The following MYO1F variants were observed in gnomAD, a reference collection of about 807,000 sequenced individuals.
MYO1F encodes myosin IF.
MYO1F carries 60 observed loss-of-function variants against 146.6 expected under a neutral mutation model. That is an observed-to-expected ratio of 0.41 (90% confidence interval 0.33 to 0.51). MYO1F has a LOEUF of 0.51. Among genes scored for constraint, MYO1F ranks in the 20% least tolerant of loss-of-function variants. The pLI, the probability that MYO1F is intolerant of heterozygous loss-of-function variation, is 0.25. For synonymous variants in MYO1F, 602 were observed against 602.1 expected (o/e 1.00, Z 0.00); for missense variants, 1,274 against 1,534.3 (o/e 0.83, Z 2.83).
Position 8,527,291 on chromosome 19 carries a change from G to C in MYO1F, c.2474+47C>G, listed in dbSNP as rs753853276. On this transcript the variant is annotated intron_variant, in intron 22 of 27. Transcript: ENST00000644032. ...GGGGTCACTAGAATGAGGGCAGCCA[G>C]GGGACAGGTGAGAGTGACTGTGCGG... 18 of 1,612,884 alleles carry C rather than the reference G, an allele frequency of 1.1e-5. 1 individual carries two copies. The South Asian group carries it at 1.6e-4, about 15-fold the overall frequency.
chr19:8,570,306 G>A (rs1347627083), intron 1 of MYO1F, among the ~76,000 whole-genome samples: 2 of 151,978 alleles, frequency 1.3e-5, no homozygotes, highest in African/African-American at 4.8e-5. Flanking sequence ...CTGACCTCAG[G>A]CAATCCACTC....
chr19:8,533,019 G>A (rs918359547), intron 19 of MYO1F, among the ~76,000 whole-genome samples: 2 of 151,218 alleles, frequency 1.3e-5, no homozygotes, highest in South Asian at 4.1e-4. Context: ...GTAGCACATT[G>A]CTGCTAAGAG....
Position 8,554,681 on chromosome 19 carries a change from G to A in MYO1F, c.204C>T (p.Asp68=). ...CGCCCTGATAGAGGTCGATCTCACG[G>A]TCGGTGAAGTAGGGCATCTGCTTGA... ...NPFKQMPYFT[D]REIDLYQGAA... is the part of the protein sequence containing the mutation. The change falls in exon 3 of 28, where the codon GAC becomes GAT. Residue 68 remains aspartate (D), a synonymous_variant. Transcript: ENST00000644032. The A allele has an allele frequency of 6.2e-7, 1 of 1,614,012 alleles. No homozygotes were observed. The highest frequency in any genetic ancestry group is 8.5e-7 in the Non-Finnish European group (1 of 1,180,000).
chr19:8,574,280 C>T (rs1308324017), intron 1 of MYO1F, among the ~76,000 whole-genome samples: 4 of 152,180 alleles, frequency 2.6e-5, no homozygotes, highest in African/African-American at 4.8e-5. Context: ...AATGACCACT[C>T]GCAGCAACTC....
Position 8,534,330 on chromosome 19 carries a change from CAG to C in MYO1F, c.2043+1920_2043+1921del, listed in dbSNP as rs141193771. Reference sequence around the variant, plus strand: ...TTCTTTTCTTTTCTTTTCTTTTTTTCAGAGTCTCACTTTGTCCCCCAGGCTGG... The same window carrying C: ...TTCTTTTCTTTTCTTTTCTTTTTTTCAGTCTCACTTTGTCCCCCAGGCTGG... On this transcript the variant is annotated intron_variant, in intron 19 of 27. Transcript: ENST00000644032. Among the ~76,000 whole-genome samples, 583 of 151,616 alleles carry C rather than the reference CAG, an allele frequency of 3.8e-3. 2 individuals are homozygous for C. The highest frequency in any genetic ancestry group is 7.9e-3 in the South Asian group (38 of 4,806).
intron 21 of MYO1F, chr19:8,529,703 G>T: frequency 7.1e-6 from 2 of 282,532 alleles, no homozygotes; most frequent in Non-Finnish European, 1.4e-5. Context: ...ATGTGTGATT[G>T]TTGAGAGATG....
intron 16 of MYO1F, 105 bp downstream of exon 16, chr19:8,539,842 G>T (rs1972882124): frequency 2.0e-6 from 2 of 1,011,146 alleles, no homozygotes; most frequent in African/African-American, 1.6e-5. Context: ...CCCAGGATTG[G>T]TAGACAGACA....
At chr19:8,543,675 C>CTGGTGGTGGTGCTGGTGG (rs1973088734) in intron 14 of MYO1F, among the ~76,000 whole-genome samples, 1 of 36,180 alleles carries the variant, frequency 2.8e-5, no homozygotes, top group African/African-American at 1.3e-4. Flanking sequence ...GGTGGTGGTG[C>CTGGTGGTGGTGCTGGTGG]TGGTGGTGGT....
intron 1 of MYO1F, among the ~76,000 whole-genome samples, chr19:8,575,483 A>G (rs2042223910): frequency 2.0e-5 from 3 of 150,964 alleles, no homozygotes; most frequent in Non-Finnish European, 3.0e-5. Flanking sequence ...AGAATCTGAG[A>G]GGAGGTGGAG....
intron 1 of MYO1F, among the ~76,000 whole-genome samples, chr19:8,564,548 C>T (rs76040706): frequency 0.011 from 1,702 of 152,044 alleles, 28 homozygotes; most frequent in African/African-American, 0.036. Context: ...AGGCAAAACC[C>T]GGACCAGGCA....
chr19:8,543,909 G>C (rs1446131736), intron 14 of MYO1F, among the ~76,000 whole-genome samples: 16 of 108,126 alleles, frequency 1.5e-4, no homozygotes, highest in East Asian at 2.8e-4. Context: ...GGTGGTGGTG[G>C]TGGTGGTGGT....
rs531385418 is a variant in MYO1F at position 8,526,094 on chromosome 19, C to T, written c.2770+359G>A. Among the ~76,000 whole-genome samples, 4 of 152,120 alleles carry T rather than the reference C, an allele frequency of 2.6e-5. No homozygotes were observed. The East Asian group carries it at 7.7e-4, about 29-fold the overall frequency. ...CTGTAATCCCAGCACTTTGGGAGGC[C>T]GAGGCGGGTGGAGCATGAGGTAATG... On this transcript the variant is annotated intron_variant, in intron 24 of 27. Transcript: ENST00000644032.
At chr19:8,565,455 T>C (rs1246395941) in intron 1 of MYO1F, among the ~76,000 whole-genome samples, 1 of 151,880 alleles carries the variant, frequency 6.6e-6, no homozygotes, top group Non-Finnish European at 1.5e-5. Flanking sequence ...GGCAGGAGAA[T>C]AGCTTGAACC....
chr19:8,523,657 A>T, intron 25 of MYO1F, among the ~76,000 whole-genome samples: 1 of 151,720 alleles, frequency 6.6e-6, no homozygotes, highest in Non-Finnish European at 1.5e-5. Context: ...GGCCTTATTT[A>T]TTTTTTATTT....
chr19:8,560,762 A>C (rs1446171140), intron 1 of MYO1F, among the ~76,000 whole-genome samples: 2 of 110,136 alleles, frequency 1.8e-5, no homozygotes, highest in African/African-American at 3.3e-5. Flanking sequence ...TTTTTGAGAC[A>C]GAGTCTTGCT....
chr19:8,573,175 G>A (rs1465104064), intron 1 of MYO1F, among the ~76,000 whole-genome samples: 3 of 152,156 alleles, frequency 2.0e-5, no homozygotes, highest in African/African-American at 7.2e-5. Context: ...GCCAGGCATG[G>A]TGGCGGGCGC....
At chr19:8,539,897 G>T in intron 16 of MYO1F, 50 bp downstream of exon 16, 1 of 1,526,704 alleles carries the variant, frequency 6.6e-7, no homozygotes, top group Non-Finnish European at 9.1e-7. Context: ...AGGTAGGGTG[G>T]AACTCAGCCC....
rs779255303 is a variant in MYO1F at position 8,530,590 on chromosome 19, G to A, written c.2044-17C>T. The A allele has an allele frequency of 1.3e-6, 2 of 1,596,396 alleles. No homozygotes were observed. Among genetic ancestry groups the A allele is most frequent in the Admixed American group, 1.7e-5 (1 of 59,980 alleles). Reference sequence around the variant, plus strand: ...GAGGAAAAGCTGGGCGGGGGTCGTGGGGGGCAAGGGTGAGTCCTGGTGTCT... The same window carrying A: ...GAGGAAAAGCTGGGCGGGGGTCGTGAGGGGCAAGGGTGAGTCCTGGTGTCT... On this transcript the variant is annotated splice_polypyrimidine_tract_variant and intron_variant, in intron 19 of 27. Transcript: ENST00000644032. The surrounding 1 kb of genome is among the most constrained non-coding windows in gnomAD (Gnocchi z 5.8).
At chr19:8,561,780 G>C (rs1322220364) in intron 1 of MYO1F, among the ~76,000 whole-genome samples, 3 of 149,374 alleles carry the variant, frequency 2.0e-5, no homozygotes, top group South Asian at 2.1e-4. Context: ...GTAGTGGCGC[G>C]ATCTTGGCTC....
Sources: gnomAD v4.1 joint callset for allele counts (sites outside exome capture counted in the v4.1 genomes callset) on GRCh38, gnomAD v4.1.1 for gene constraint, Gnocchi (gnomAD v3.1) non-coding constraint, MANE v1.5 for transcripts, NCBI Gene and HGNC (gene_info 2026-07-23, HGNC 2026-07-21) for gene names.